Variants in USP6NL observed in about 807,000 individuals in gnomAD.
USP6NL encodes USP6 N-terminal like.
Under a neutral mutation model 61.9 loss-of-function variants are expected in USP6NL, and 26 were observed. That is an observed-to-expected ratio of 0.42 (90% CI 0.31 to 0.58). The LOEUF is 0.58. Among genes scored for constraint, USP6NL ranks in the 20% least tolerant of loss-of-function variants. The pLI, the probability that USP6NL is intolerant of heterozygous loss-of-function variation, is 0.16. For synonymous variants in USP6NL, 432 were observed against 390.1 expected, an observed-to-expected ratio of 1.11 and a Z score of -1.27; for missense variants, 1,114 against 1,034.3, an observed-to-expected ratio of 1.08 and a Z score of -1.06.
intron 5 of USP6NL, among the ~76,000 whole-genome samples, chr10:11,512,115 T>C (rs1834745479): frequency 6.6e-6 from 1 of 152,088 alleles, no homozygotes. Flanking sequence ...CCCCAAAAAA[T>C]AAGCTAGGGA....
rs985697737 is a variant in USP6NL at position 11,490,814 on chromosome 10, A to G, written c.543+18T>C. ...AGAATACAACTCAAAGACCTTGGGC[A>G]GGCAGGCCCCAACTTACCGTGTTAT... On this transcript the variant is annotated intron_variant, in intron 9 of 14. Transcript: ENST00000609104. This position sits in a 1 kb window ranked among gnomAD's most constrained non-coding sequence, Gnocchi z 4.5. The G allele has an allele frequency of 1.3e-6, 2 of 1,552,496 alleles. No homozygotes were observed. The highest frequency in any genetic ancestry group is 1.4e-5 in the African/African-American group (1 of 72,944).
rs575542525 is a variant in USP6NL, at chr10:11,597,574, G to A, written c.4+57C>T. The A allele has an allele frequency of 2.6e-6, 4 of 1,532,182 alleles. No homozygotes were observed. In the Admixed American group the frequency reaches 5.9e-5, roughly 23 times the overall value. 94.9% of individuals were successfully genotyped at this position (1,532,182 alleles called of 1,614,324 possible). The stretch of plus-strand genomic sequence containing the variant: ...CAGTAACATGTTTTTCTTCTCCTAA[G>A]CACAATACAGCAAACGCTCCTGAGA... On this transcript the variant is annotated intron_variant, in intron 2 of 14. Coordinates refer to ENST00000609104, the MANE Select transcript of USP6NL (RefSeq NM_014688.5). This position sits in a 1 kb window ranked among gnomAD's most constrained non-coding sequence, Gnocchi z 4.6.
rs1231385622 is a variant in USP6NL at position 11,528,946 on chromosome 10, A to T, written c.5-1379T>A. 6.6e-6 allele frequency among the ~76,000 whole-genome samples: 1 copy of T among 152,140 alleles called. No individual in the cohort carries two copies. Among genetic ancestry groups the T allele is most frequent in the Non-Finnish European group, 1.5e-5 (1 of 68,040 alleles). ...TTCTCCAAAGCAGGAAACCAATAGA[A>T]ATGCCAAAAACGGAAGATGCATGAA... On this transcript the variant is annotated intron_variant, in intron 2 of 14. Coordinates refer to ENST00000609104, the MANE Select transcript of USP6NL (RefSeq NM_014688.5). This position sits in a 1 kb window ranked among gnomAD's most constrained non-coding sequence, Gnocchi z 4.6.
chr10:11,524,773 A>T (rs1835351721), intron 4 of USP6NL, among the ~76,000 whole-genome samples: 1 of 152,234 alleles, frequency 6.6e-6, no homozygotes, highest in Admixed American at 6.5e-5. Context: ...AGATGAATAG[A>T]AGTCTCTAGC....
chr10:11,602,003 G>T lies in USP6NL; in HGVS notation c.-83-4286C>A, dbSNP rs796120726. The stretch of plus-strand genomic sequence containing the variant: ...CCCCTAAAAAAGAAAGAAAAAAAAA[G>T]AAGAAAATGTCCTTCATTGATGTAT... On this transcript the variant is annotated intron_variant, in intron 1 of 14. Coordinates refer to ENST00000609104, the MANE Select transcript of USP6NL (RefSeq NM_014688.5). The surrounding 1 kb of genome is among the most constrained non-coding windows in gnomAD (Gnocchi z 4.8). 1.3e-5 allele frequency among the ~76,000 whole-genome samples: 2 copies of T among 151,954 alleles called. No homozygotes were observed. The highest frequency in any genetic ancestry group is 4.8e-5 in the African/African-American group (2 of 41,454).
Position 11,485,309 on chromosome 10 carries a change from G to A in USP6NL, c.760-75C>T. ...AACAAAATAATACTAAGTTAGGAAG[G>A]CTGTTGGATGCAGCTATCAAAGCTA... On this transcript the variant is annotated intron_variant, in intron 11 of 14. Transcript: ENST00000609104. The surrounding 1 kb of genome is among the most constrained non-coding windows in gnomAD (Gnocchi z 4.8). 1 of 1,182,532 alleles carries A rather than the reference G, an allele frequency of 8.5e-7. No individual in the cohort carries two copies. Among genetic ancestry groups the A allele is most frequent in the South Asian group, 1.5e-5 (1 of 64,530 alleles). 73.3% of individuals were successfully genotyped at this position (1,182,532 alleles called of 1,614,324 possible).
chr10:11,599,671 G>A (rs1404260312), intron 1 of USP6NL, among the ~76,000 whole-genome samples: 7 of 150,764 alleles, frequency 4.6e-5, no homozygotes, highest in Admixed American at 3.3e-4. Flanking sequence ...GAAGTCACGC[G>A]TTCAGGATTC....
At chr10:11,486,375 C>T (rs1427910966) in intron 10 of USP6NL, among the ~76,000 whole-genome samples, 1 of 152,046 alleles carries the variant, frequency 6.6e-6, no homozygotes, top group East Asian at 1.9e-4. Flanking sequence ...TTTTAAATCG[C>T]TTTTTAATCC....
chr10:11,607,698 A>T (rs1307844211), intron 1 of USP6NL, among the ~76,000 whole-genome samples: 1 of 152,032 alleles, frequency 6.6e-6, no homozygotes. Flanking sequence ...GAAAAGGAAA[A>T]AATAATAATA....
In USP6NL at chr10:11,602,200, C is replaced by T. The variant is rs980720092; in HGVS notation, c.-83-4483G>A. ...CAATGAATGAATAAACAACGAGCAA[C>T]GTATTTAACGCAACTTTCTCATCAA... is the stretch of plus-strand genomic sequence containing the variant. On this transcript the variant is annotated intron_variant, in intron 1 of 14. Transcript: ENST00000609104. The surrounding 1 kb of genome is among the most constrained non-coding windows in gnomAD (Gnocchi z 4.8). Among the ~76,000 whole-genome samples, 3 of 152,026 alleles carry T rather than the reference C, an allele frequency of 2.0e-5. No homozygotes were observed. Among genetic ancestry groups the T allele is most frequent in the African/African-American group, 7.2e-5 (3 of 41,396 alleles).
Position 11,487,526 on chromosome 10 carries a change from C to T in USP6NL, c.664+1576G>A, listed in dbSNP as rs535564697. ...GACAGTCTTGGACACAATTACATAC[C>T]AGTTAAATTTGCATTCTATTGTACC... On this transcript the variant is annotated intron_variant, in intron 10 of 14. Transcript: ENST00000609104. The surrounding 1 kb of genome is among the most constrained non-coding windows in gnomAD (Gnocchi z 4.2). Among the ~76,000 whole-genome samples the T allele has an allele frequency of 3.5e-4, 54 of 152,196 alleles. No homozygotes were observed. The highest frequency in any genetic ancestry group is 1.2e-3 in the African/African-American group (51 of 41,538).
In USP6NL at chr10:11,496,739, A is replaced by G. The variant is rs1289376490; in HGVS notation, c.385-3511T>C. Among the ~76,000 whole-genome samples, 1 of 152,164 alleles carries G rather than the reference A, an allele frequency of 6.6e-6. No individual in the cohort carries two copies. The highest frequency in any genetic ancestry group is 1.9e-4 in the East Asian group (1 of 5,188). ...AACATAACTGTTCCCGACTTCAGCT[A>G]AAAGTGGAAAGAAGGTTATCTGGGG... On this transcript the variant is annotated intron_variant, in intron 7 of 14. Transcript: ENST00000609104. This position sits in a 1 kb window ranked among gnomAD's most constrained non-coding sequence, Gnocchi z 5.4.
intron 14 of USP6NL, among the ~76,000 whole-genome samples, chr10:11,477,890 A>C (rs1258969170): frequency 2.0e-5 from 3 of 152,208 alleles, no homozygotes; most frequent in African/African-American, 7.2e-5. Context: ...AAGCACTTTG[A>C]TTTTTCAAGA....
chr10:11,547,281 T>C (rs1329374031), intron 2 of USP6NL, among the ~76,000 whole-genome samples: 1 of 152,174 alleles, frequency 6.6e-6, no homozygotes, highest in African/African-American at 2.4e-5. Context: ...CTCAAGCATA[T>C]TGTCATACGT....
intron 2 of USP6NL, among the ~76,000 whole-genome samples, chr10:11,582,067 C>T (rs1229208474): frequency 2.0e-5 from 3 of 152,100 alleles, no homozygotes; most frequent in Non-Finnish European, 4.4e-5. Context: ...CGGCTTCAAG[C>T]GATTCTCCTG....
rs1427219382 is a variant in USP6NL at position 11,555,451 on chromosome 10, T to TATATATATAGAG, written c.5-27885_5-27884insCTCTATATATAT. On this transcript the variant is annotated intron_variant, in intron 2 of 14. Transcript: ENST00000609104. ...AAAAAAAAATATATATATATATATA[T>TATATATATAGAG]AGAGAGAGAGAGAGAGAGAAAGAGA... Among the ~76,000 whole-genome samples, 15 of 60,988 alleles carry TATATATATAGAG rather than the reference T, an allele frequency of 2.5e-4. No individual in the cohort carries two copies. The East Asian group carries it at 5.8e-3, about 24-fold the overall frequency. 40.0% of individuals were successfully genotyped at this position (60,988 alleles called of 152,430 possible).
rs560452202 is a variant in USP6NL, at chr10:11,496,558, G to A, written c.385-3330C>T. ...TTTCAAGGGAAAGGGAGCTAAATGA[G>A]TATGTTGAATCTCCCATGTTTAAAC... On this transcript the variant is annotated intron_variant, in intron 7 of 14. Coordinates refer to ENST00000609104, the MANE Select transcript of USP6NL (RefSeq NM_014688.5). The surrounding 1 kb of genome is among the most constrained non-coding windows in gnomAD (Gnocchi z 5.4). Among the ~76,000 whole-genome samples, 5 of 152,310 alleles carry A rather than the reference G, an allele frequency of 3.3e-5. No homozygotes were observed. Among genetic ancestry groups the A allele is most frequent in the African/African-American group, 1.2e-4 (5 of 41,556 alleles).
Position 11,474,992 on chromosome 10 carries a change from C to T in USP6NL, c.1078+6778G>A, listed in dbSNP as rs1832907289. 6.6e-6 allele frequency among the ~76,000 whole-genome samples: 1 copy of T among 152,158 alleles called. No individual in the cohort carries two copies. Among genetic ancestry groups the T allele is most frequent in the Non-Finnish European group, 1.5e-5 (1 of 68,016 alleles). On this transcript the variant is annotated intron_variant, in intron 14 of 14. Coordinates refer to ENST00000609104, the MANE Select transcript of USP6NL (RefSeq NM_014688.5). This position sits in a 1 kb window ranked among gnomAD's most constrained non-coding sequence, Gnocchi z 4.9. Reference sequence around the variant, plus strand: ...TTTACCAAGACTAAAATGGCTCTGTCAACTATTCTGAGAAAAATCTTTGAT... The same window carrying T: ...TTTACCAAGACTAAAATGGCTCTGTTAACTATTCTGAGAAAAATCTTTGAT...
chr10:11,461,251 G>T lies in USP6NL; in HGVS notation c.*1190C>A, dbSNP rs1303835330. 1 of 146,404 alleles carries T rather than the reference G, an allele frequency of 6.8e-6. No homozygotes were observed. The highest frequency in any genetic ancestry group is 2.2e-4 in the East Asian group (1 of 4,572). 9.1% of individuals were successfully genotyped at this position (146,404 alleles called of 1,614,324 possible). Reference sequence around the variant, plus strand: ...CATCACTAATTTTTTTTTAAGCCAAGAACTTGAATTTGTTTCAATGAAAAA... The same window carrying T: ...CATCACTAATTTTTTTTTAAGCCAATAACTTGAATTTGTTTCAATGAAAAA... On this transcript the variant is annotated 3_prime_UTR_variant, in exon 15 of 15. Coordinates refer to ENST00000609104, the MANE Select transcript of USP6NL (RefSeq NM_014688.5).
Sources: allele counts gnomAD v4.1 joint callset (sites outside exome capture counted in the v4.1 genomes callset), GRCh38; gene constraint gnomAD v4.1.1; non-coding constraint Gnocchi (gnomAD v3.1); transcripts MANE v1.5; gene names NCBI Gene and HGNC (gene_info 2026-07-23, HGNC 2026-07-21).